The following PPP1R14D variants were observed in gnomAD, a reference collection of about 807,000 sequenced individuals.
PPP1R14D encodes protein phosphatase 1 regulatory inhibitor subunit 14D.
PPP1R14D carries 14 observed loss-of-function variants against 17.1 expected under a neutral mutation model. The observed-to-expected ratio is 0.82, with a 90% CI of 0.54 to 1.28. The LOEUF is 1.28. Among genes scored for constraint, PPP1R14D ranks in the 50% most tolerant of loss-of-function variants. The probability of loss-of-function intolerance (pLI) is 0.00; values close to 1 mark genes in which losing one functional copy is unlikely to be tolerated. For missense variants in PPP1R14D, 173 were observed against 179.2 expected (o/e 0.97, Z 0.20); for synonymous variants, 67 against 66.1 (o/e 1.01, Z -0.06).
chr15:40,826,366 G>A (rs796436414), intron 1 of PPP1R14D, among the ~76,000 whole-genome samples: 9 of 152,296 alleles, frequency 5.9e-5, no homozygotes, highest in African/African-American at 2.2e-4. Flanking sequence ...CAACAAGAAA[G>A]AGAAACAAGG....
chr15:40,820,136 G>T (rs1272200079), intron 1 of PPP1R14D, among the ~76,000 whole-genome samples: 1 of 151,408 alleles, frequency 6.6e-6, no homozygotes, highest in Admixed American at 6.6e-5. Flanking sequence ...AAAGTGCTGG[G>T]ATTACAGGCA....
Position 40,815,624 on chromosome 15 carries a change from C to T in PPP1R14D, c.*72G>A. The stretch of plus-strand genomic sequence containing the variant: ...TGTTTGTGTCCCAAGGAGCTATTTC[C>T]CTCTTAGCCAGGATCTGGAGTTTCA... On this transcript the variant is annotated 3_prime_UTR_variant, in exon 4 of 4. Transcript: ENST00000299174. 1 of 1,554,842 alleles carries T rather than the reference C, an allele frequency of 6.4e-7. No homozygotes were observed. Among genetic ancestry groups the T allele is most frequent in the Non-Finnish European group, 8.8e-7 (1 of 1,141,408 alleles).
chr15:40,828,455 G>A lies in PPP1R14D; in HGVS notation c.187C>T (p.Arg63Trp), dbSNP rs373800458. ...RPSRLTVKYD[R>W]GQLQRWLEME... ...TCCAGCCAGCGCTGGAGCTGGCCCCGGTCATACTTCACTGTCAGGCGGCTG... is the reference window on the plus strand; with the variant it reads ...TCCAGCCAGCGCTGGAGCTGGCCCCAGTCATACTTCACTGTCAGGCGGCTG... Residue 63 changes from arginine (R) to tryptophan (W), a missense_variant, in exon 1 of 4, where the codon CGG becomes TGG. Coordinates refer to ENST00000299174, the MANE Select transcript of PPP1R14D (RefSeq NM_017726.8). 20 of 1,613,956 alleles carry A rather than the reference G, an allele frequency of 1.2e-5. No homozygotes were observed. The highest frequency in any genetic ancestry group is 1.6e-5 in the Non-Finnish European group (19 of 1,180,006).
chr15:40,816,023 C>A, intron 2 of PPP1R14D, 29 bp from the exon 3 acceptor site: 1 of 1,613,692 alleles, frequency 6.2e-7, no homozygotes, highest in Non-Finnish European at 8.5e-7. Context: ...AGACAGGGCC[C>A]CAAGTCACAG....
intron 1 of PPP1R14D, among the ~76,000 whole-genome samples, chr15:40,825,874 A>G (rs1417956699): frequency 6.6e-6 from 1 of 152,102 alleles, no homozygotes; most frequent in African/African-American, 2.4e-5. Context: ...CTCCTTCCAC[A>G]TGTCTTGCTT....
chr15:40,824,157 G>A (rs1178387732), intron 1 of PPP1R14D, among the ~76,000 whole-genome samples: 1 of 152,050 alleles, frequency 6.6e-6, no homozygotes, highest in African/African-American at 2.4e-5. Flanking sequence ...TGAGACTTGT[G>A]ACTCTATGTC....
intron 1 of PPP1R14D, among the ~76,000 whole-genome samples, chr15:40,823,545 T>C (rs947521041): frequency 1.3e-5 from 2 of 152,224 alleles, no homozygotes; most frequent in African/African-American, 4.8e-5. Flanking sequence ...AAGTGACCTA[T>C]ATAGTTGTGC....
intron 1 of PPP1R14D, among the ~76,000 whole-genome samples, chr15:40,822,726 T>C (rs532208402): frequency 7.1e-4 from 108 of 152,308 alleles, no homozygotes; most frequent in Non-Finnish European, 1.3e-3. Context: ...GTGCTGGGAT[T>C]ACAGGCGTGA....
chr15:40,816,049 C>T, intron 2 of PPP1R14D, 55 bp from the exon 3 acceptor site: 1 of 1,607,026 alleles, frequency 6.2e-7, no homozygotes, highest in Non-Finnish European at 8.5e-7. Context: ...TCCCGCAAGT[C>T]CCCACCAATC....
intron 1 of PPP1R14D, among the ~76,000 whole-genome samples, chr15:40,819,075 A>T (rs1317414854): frequency 1.3e-5 from 2 of 152,212 alleles, no homozygotes; most frequent in Admixed American, 6.6e-5. Context: ...AATAAAATTA[A>T]TATTTTACTG....
chr15:40,828,393 G>C lies in PPP1R14D; in HGVS notation c.249C>G (p.Leu83=). 6.3e-7 allele frequency: 1 copy of C among 1,596,152 alleles called. No individual in the cohort carries two copies. ...EQWVDAQVQE[L]FQDQATPSEP... is the part of the protein sequence containing the mutation. ...TATCCGCTGTGCTACCTACCTGGAA[G>C]AGCTCCTGAACTTGAGCATCCACCC... The change falls in exon 1 of 4, where the codon CTC becomes CTG. Residue 83 remains leucine, a synonymous_variant. Coordinates refer to ENST00000299174, the MANE Select transcript of PPP1R14D (RefSeq NM_017726.8).
Position 40,815,568 on chromosome 15 carries a change from T to C in PPP1R14D, c.*128A>G. On this transcript the variant is annotated 3_prime_UTR_variant, in exon 4 of 4. Coordinates refer to ENST00000299174, the MANE Select transcript of PPP1R14D (RefSeq NM_017726.8). ...GCTGTGACCACACAGACAGTAGGAGTATGCAAATGTCCCTCCTTGTCCACA... is the reference window on the plus strand; with the variant it reads ...GCTGTGACCACACAGACAGTAGGAGCATGCAAATGTCCCTCCTTGTCCACA... 8.7e-7 allele frequency: 1 copy of C among 1,144,626 alleles called. No homozygotes were observed. The highest frequency in any genetic ancestry group is 1.2e-6 in the Non-Finnish European group (1 of 809,804). The allele number at this position is 1,144,626 out of a possible 1,614,324, so 70.9% of individuals were successfully genotyped here. A position where few individuals can be genotyped will look rare whatever the true frequency, so the allele number is the denominator to read the frequency against.
In PPP1R14D at chr15:40,828,703, G is replaced by A. The variant is rs1007152352; in HGVS notation, c.-62C>T. On this transcript the variant is annotated 5_prime_UTR_variant, in exon 1 of 4. Transcript: ENST00000299174. ...GCCAGTTCTGAGCAGAGCCACAGAG[G>A]GAAGTGAGGAGACAGAGAACAGGAG... 24 of 1,523,006 alleles carry A rather than the reference G, an allele frequency of 1.6e-5. No individual in the cohort carries two copies. Among genetic ancestry groups the A allele is most frequent in the African/African-American group, 2.8e-5 (2 of 72,120 alleles). 94.3% of individuals were successfully genotyped at this position (1,523,006 alleles called of 1,614,324 possible). A position where few individuals can be genotyped will look rare whatever the true frequency, so the allele number is the denominator to read the frequency against.
chr15:40,816,714 C>A (rs1423548172), intron 1 of PPP1R14D, among the ~76,000 whole-genome samples: 1 of 150,628 alleles, frequency 6.6e-6, no homozygotes, highest in African/African-American at 2.4e-5. Context: ...AGGGAGACTT[C>A]GTCGCAAAAA....
Position 40,815,650 on chromosome 15 carries a change from G to C in PPP1R14D, c.*46C>G. The C allele has an allele frequency of 1.9e-6, 3 of 1,602,102 alleles. No homozygotes were observed. The highest frequency in any genetic ancestry group is 1.1e-5 in the South Asian group (1 of 89,374). ...CTCTTAGCCAGGATCTGGAGTTTCA[G>C]GGCAGGCCTGGCAGTGCTGAGGCTG... is the stretch of plus-strand genomic sequence containing the variant. On this transcript the variant is annotated 3_prime_UTR_variant, in exon 4 of 4. Coordinates refer to ENST00000299174, the MANE Select transcript of PPP1R14D (RefSeq NM_017726.8).
chr15:40,819,311 G>C (rs1890729532), intron 1 of PPP1R14D, among the ~76,000 whole-genome samples: 1 of 152,168 alleles, frequency 6.6e-6, no homozygotes. Context: ...CAGGCGCGAG[G>C]CTGAGGCAGA....
At chr15:40,826,250 T>C (rs1890867080) in intron 1 of PPP1R14D, among the ~76,000 whole-genome samples, 1 of 152,128 alleles carries the variant, frequency 6.6e-6, no homozygotes, top group Non-Finnish European at 1.5e-5. Flanking sequence ...CGAGATAGAC[T>C]GGGTCACAAC....
In PPP1R14D at chr15:40,815,706, G is replaced by T. The variant is rs200817876; in HGVS notation, c.428C>A (p.Pro143His). The T allele has an allele frequency of 1.3e-4, 209 of 1,613,698 alleles. No homozygotes were observed. Among genetic ancestry groups the T allele is most frequent in the Non-Finnish European group, 1.7e-4 (201 of 1,179,900 alleles). The change falls in exon 4 of 4, where the codon CCT becomes CAT. Residue 143 changes from proline to histidine, a missense_variant. Transcript: ENST00000299174. Reference sequence around the variant, plus strand: ...GATGGTCTCTCAGGCTTATTTCTGAGGCCGGCTGAGTCTCCGGAGTTTCTT... The same window carrying T: ...GATGGTCTCTCAGGCTTATTTCTGATGCCGGCTGAGTCTCCGGAGTTTCTT... ...QLKKLRRLSR[P>H]QK
At chr15:40,817,967 A>G (rs894993372) in intron 1 of PPP1R14D, among the ~76,000 whole-genome samples, 1 of 152,048 alleles carries the variant, frequency 6.6e-6, no homozygotes, top group Non-Finnish European at 1.5e-5. Context: ...TATTTACCCA[A>G]ATGAGATGAA....
Sources: gnomAD v4.1 joint callset for allele counts (sites outside exome capture counted in the v4.1 genomes callset) on GRCh38, gnomAD v4.1.1 for gene constraint, MANE v1.5 for transcripts, NCBI Gene and HGNC (gene_info 2026-07-23, HGNC 2026-07-21) for gene names.